Variants in CACNA1B observed in about 807,000 individuals in gnomAD.
The protein encoded by CACNA1B is voltage-dependent N-type calcium channel subunit alpha-1B.
In CACNA1B, 70 loss-of-function variants were observed where a neutral mutation model predicts 247.2. That is an observed-to-expected ratio of 0.28 (90% CI 0.23 to 0.35). The LOEUF is 0.35. Ranked by LOEUF, CACNA1B falls within the 10% of genes least tolerant of loss-of-function variation. The pLI, the probability that CACNA1B is intolerant of heterozygous loss-of-function variation, is 1.00. For missense variants in CACNA1B, 2,367 were observed against 3,197.4 expected, an observed-to-expected ratio of 0.74 and a Z score of 6.26; for synonymous variants, 1,231 against 1,294.4, an observed-to-expected ratio of 0.95 and a Z score of 1.05.
At chr9:137,987,750 G>A (rs564730098) in intron 15 of CACNA1B, among the ~76,000 whole-genome samples, 4 of 152,142 alleles carry the variant, frequency 2.6e-5, no homozygotes, top group Admixed American at 1.3e-4. Context: ...CAAATTAGAC[G>A]ATTGGCTCAA....
chr9:137,966,880 C>A (rs866693129), intron 10 of CACNA1B, among the ~76,000 whole-genome samples: 5 of 151,888 alleles, frequency 3.3e-5, no homozygotes, highest in Non-Finnish European at 7.4e-5. Context: ...GACAGAGTTA[C>A]GTTGCCCAGG....
chr9:137,925,422 C>T (rs909704707), intron 6 of CACNA1B, among the ~76,000 whole-genome samples: 1 of 152,168 alleles, frequency 6.6e-6, no homozygotes, highest in South Asian at 2.1e-4. Flanking sequence ...TCTCTGGCCA[C>T]GTTTTGGGTG....
Position 138,012,820 on chromosome 9 carries a change from G to C in CACNA1B, c.2161-309G>C, listed in dbSNP as rs1332666857. On this transcript the variant is annotated intron_variant, in intron 17 of 46. Coordinates refer to ENST00000371372, the MANE Select transcript of CACNA1B (RefSeq NM_000718.4). The surrounding 1 kb of genome is among the most constrained non-coding windows in gnomAD (Gnocchi z 4.2). Reference sequence around the variant, plus strand: ...CTCAGAGTAAGGTCAGGATAGCACAGAGGTGAGGCCGTCGCCTCCAGGGAG... The same window carrying C: ...CTCAGAGTAAGGTCAGGATAGCACACAGGTGAGGCCGTCGCCTCCAGGGAG... 2.0e-5 allele frequency among the ~76,000 whole-genome samples: 3 copies of C among 152,086 alleles called. No individual in the cohort carries two copies. Among genetic ancestry groups the C allele is most frequent in the Non-Finnish European group, 4.4e-5 (3 of 68,014 alleles).
chr9:137,892,177 G>T (rs1329464269), intron 3 of CACNA1B: 4 of 456,712 alleles, frequency 8.8e-6, no homozygotes, highest in East Asian at 1.4e-4. Context: ...CTGGACACTG[G>T]TCTGCTGGGG....
rs1958140138 is a variant in CACNA1B at position 137,971,022 on chromosome 9, AG to A, written c.1334-358del. Among the ~76,000 whole-genome samples, 1 of 152,052 alleles carries A rather than the reference AG, an allele frequency of 6.6e-6. No individual in the cohort carries two copies. The highest frequency in any genetic ancestry group is 2.1e-4 in the South Asian group (1 of 4,828). ...TATGCTGAAGAGATGGGATCTGGGG[AG>A]GGACTAACTCAGATTTATGTCTTCA... On this transcript the variant is annotated intron_variant, in intron 10 of 46. Transcript: ENST00000371372. This position sits in a 1 kb window ranked among gnomAD's most constrained non-coding sequence, Gnocchi z 4.4.
At chr9:137,932,490 G>A (rs1290356030) in intron 6 of CACNA1B, among the ~76,000 whole-genome samples, 1 of 152,204 alleles carries the variant, frequency 6.6e-6, no homozygotes, top group African/African-American at 2.4e-5. Flanking sequence ...ACATGGGCTA[G>A]CTTGTTGTTT....
At position 137,974,831 on chromosome 9, in the gene CACNA1B, T is replaced by C. The variant is rs967043847; in HGVS notation, c.1544-1076T>C. Among the ~76,000 whole-genome samples, 16 of 152,224 alleles carry C rather than the reference T, an allele frequency of 1.1e-4. No individual in the cohort carries two copies. The highest frequency in any genetic ancestry group is 3.4e-4 in the African/African-American group (14 of 41,474). ...TGCCCTCCCAGGGCCTTGTTCTCCATGTGGGCTCTGCCCTGGGCTCTGTTG... is the reference window on the plus strand; with the variant it reads ...TGCCCTCCCAGGGCCTTGTTCTCCACGTGGGCTCTGCCCTGGGCTCTGTTG... On this transcript the variant is annotated intron_variant, in intron 11 of 46. Coordinates refer to ENST00000371372, the MANE Select transcript of CACNA1B (RefSeq NM_000718.4). This position sits in a 1 kb window ranked among gnomAD's most constrained non-coding sequence, Gnocchi z 4.5.
In CACNA1B at chr9:137,914,615, G is replaced by A. The variant is rs200124569; in HGVS notation, c.623-39G>A. 3.8e-6 allele frequency: 6 copies of A among 1,593,338 alleles called. No individual in the cohort carries two copies. The highest frequency in any genetic ancestry group is 4.5e-5 in the East Asian group (2 of 44,748). ...CCCACCAAATTCCTTGCCCTACCCT[G>A]CCCACGTTGCTTCCTGACCTGCCCT... On this transcript the variant is annotated intron_variant, in intron 4 of 46. Transcript: ENST00000371372. The surrounding 1 kb of genome is among the most constrained non-coding windows in gnomAD (Gnocchi z 4.3).
chr9:137,924,646 G>A (rs1435808817), intron 6 of CACNA1B, among the ~76,000 whole-genome samples: 3 of 152,182 alleles, frequency 2.0e-5, no homozygotes, highest in African/African-American at 7.2e-5. Context: ...TATGTTGGAT[G>A]TTCCATGTCC....
intron 6 of CACNA1B, among the ~76,000 whole-genome samples, chr9:137,923,296 C>G (rs967814845): frequency 9.7e-5 from 14 of 144,582 alleles, no homozygotes; most frequent in Admixed American, 5.5e-4. Flanking sequence ...GGTGGTATTC[C>G]ATGGTGCCAG....
chr9:138,106,719 G>A (rs1410835099), intron 39 of CACNA1B, among the ~76,000 whole-genome samples: 2 of 152,162 alleles, frequency 1.3e-5, no homozygotes, highest in African/African-American at 4.8e-5. Context: ...AGCTGAGATT[G>A]TACCACGGCA....
chr9:138,077,866 C>T (rs1371383931), intron 35 of CACNA1B, among the ~76,000 whole-genome samples: 5 of 152,246 alleles, frequency 3.3e-5, no homozygotes, highest in African/African-American at 7.2e-5. Flanking sequence ...AAGAAGTGCT[C>T]GCCCTGGCGC....
intron 6 of CACNA1B, among the ~76,000 whole-genome samples, chr9:137,944,047 T>C (rs1031980071): frequency 4.6e-5 from 7 of 152,248 alleles, no homozygotes; most frequent in African/African-American, 1.7e-4. Flanking sequence ...CAGGCTGGCA[T>C]TGTCCTTATG....
In CACNA1B at chr9:138,102,926, G is replaced by A; in HGVS notation, c.5319+119G>A. The A allele has an allele frequency of 1.6e-6, 1 of 619,944 alleles. No homozygotes were observed. Among genetic ancestry groups the A allele is most frequent in the Non-Finnish European group, 2.9e-6 (1 of 349,290 alleles). 38.4% of individuals were successfully genotyped at this position (619,944 alleles called of 1,614,324 possible). Reference sequence around the variant, plus strand: ...TGCCCGGCTGTCTGTCTGCCGCTCTGCTGTGCGCCCCCGGCTGCCTCACTG... The same window carrying A: ...TGCCCGGCTGTCTGTCTGCCGCTCTACTGTGCGCCCCCGGCTGCCTCACTG... On this transcript the variant is annotated intron_variant, in intron 38 of 46. Coordinates refer to ENST00000371372, the MANE Select transcript of CACNA1B (RefSeq NM_000718.4). The surrounding 1 kb of genome is among the most constrained non-coding windows in gnomAD (Gnocchi z 5.4).
chr9:137,901,557 C>T (rs1369475251), intron 3 of CACNA1B, among the ~76,000 whole-genome samples: 1 of 152,106 alleles, frequency 6.6e-6, no homozygotes, highest in East Asian at 1.9e-4. Flanking sequence ...TACAGATTGT[C>T]AGAGTGGACT....
rs542620791 is a variant in CACNA1B, at chr9:138,011,726, C to G, written c.2161-1403C>G. Among the ~76,000 whole-genome samples the G allele has an allele frequency of 1.3e-5, 2 of 152,260 alleles. No homozygotes were observed. The highest frequency in any genetic ancestry group is 3.9e-4 in the East Asian group (2 of 5,174). ...TTTCACGCTGGGTCTGGCTTTGCCTCCTCTCTGGGCTTGAAGTTCGAAGGT... is the reference window on the plus strand; with the variant it reads ...TTTCACGCTGGGTCTGGCTTTGCCTGCTCTCTGGGCTTGAAGTTCGAAGGT... On this transcript the variant is annotated intron_variant, in intron 17 of 46. Transcript: ENST00000371372. The surrounding 1 kb of genome is among the most constrained non-coding windows in gnomAD (Gnocchi z 4.2).
At chr9:137,978,317 G>A (rs1270284223) in intron 12 of CACNA1B, among the ~76,000 whole-genome samples, 1 of 144,604 alleles carries the variant, frequency 6.9e-6, no homozygotes, top group African/African-American at 2.6e-5. Context: ...AGGAGTGATG[G>A]GAGCACTTCC....
At chr9:137,980,369 G>A (rs1958280170) in intron 12 of CACNA1B, among the ~76,000 whole-genome samples, 1 of 152,208 alleles carries the variant, frequency 6.6e-6, no homozygotes, top group South Asian at 2.1e-4. Flanking sequence ...AGATGTGTGA[G>A]GCACCCTCAA....
intron 18 of CACNA1B, among the ~76,000 whole-genome samples, chr9:138,022,808 G>GC (rs1491230913): frequency 1.4e-5 from 1 of 69,570 alleles, no homozygotes; most frequent in Admixed American, 1.3e-4. Context: ...GACACCGTGG[G>GC]GGGGGGGGGC....
Sources: gnomAD v4.1 joint callset for allele counts (sites outside exome capture counted in the v4.1 genomes callset) on GRCh38, gnomAD v4.1.1 for gene constraint, Gnocchi (gnomAD v3.1) non-coding constraint, MANE v1.5 for transcripts, NCBI Gene and HGNC (gene_info 2026-07-23, HGNC 2026-07-21) for gene names.